Variants in PPP1R12B observed in about 807,000 individuals in gnomAD.
The protein encoded by PPP1R12B is protein phosphatase 1 regulatory subunit 12B.
A neutral mutation model predicts 126.1 loss-of-function variants in PPP1R12B; 76 were observed. The observed-to-expected ratio is 0.60, with a 90% CI of 0.50 to 0.73. The LOEUF (loss-of-function observed/expected upper bound fraction) is 0.73, where lower values mean the gene tolerates loss of function less well. Among genes scored for constraint, PPP1R12B ranks in the 30% least tolerant of loss-of-function variants. The pLI is 0.00. For missense variants in PPP1R12B, 1,052 were observed against 1,205.1 expected, an observed-to-expected ratio of 0.87 and a Z score of 1.88; for synonymous variants, 356 against 434.7, an observed-to-expected ratio of 0.82 and a Z score of 2.25.
chr1:202,361,873 T>C (rs1020915372), intron 1 of PPP1R12B, among the ~76,000 whole-genome samples: 6 of 152,118 alleles, frequency 3.9e-5, no homozygotes, highest in Admixed American at 3.3e-4. Context: ...GGGCAAATGA[T>C]GTGCTTGTCT....
At chr1:202,473,518 A>C (rs1038873716) in intron 13 of PPP1R12B, among the ~76,000 whole-genome samples, 1 of 152,258 alleles carries the variant, frequency 6.6e-6, no homozygotes, top group Non-Finnish European at 1.5e-5. Flanking sequence ...GGCAGATGAA[A>C]TAGGATCCAG....
chr1:202,378,748 G>C (rs1156425695), intron 1 of PPP1R12B, among the ~76,000 whole-genome samples: 1 of 152,142 alleles, frequency 6.6e-6, no homozygotes, highest in Admixed American at 6.5e-5. Flanking sequence ...AAAGTGCTGG[G>C]ATTATAGGCA....
At chr1:202,567,719 G>A in intron 21 of PPP1R12B, 59 bp from the exon 22 acceptor site, 1 of 1,557,416 alleles carries the variant, frequency 6.4e-7, no homozygotes, top group Non-Finnish European at 8.9e-7. Flanking sequence ...ACTAGACTGG[G>A]CGTTCTACTG....
intron 10 of PPP1R12B, chr1:202,438,979 G>A (rs1315420861): frequency 1.3e-6 from 2 of 1,517,558 alleles, no homozygotes; most frequent in East Asian, 2.3e-5. Context: ...CAGGGCAGGA[G>A]CGCATGGCCC....
At chr1:202,468,242 G>A (rs1675322855) in intron 13 of PPP1R12B, among the ~76,000 whole-genome samples, 1 of 152,164 alleles carries the variant, frequency 6.6e-6, no homozygotes, top group Non-Finnish European at 1.5e-5. Context: ...GATCCCATTT[G>A]TCAATTTTGG....
chr1:202,437,091 A>G (rs1670926428), intron 9 of PPP1R12B, among the ~76,000 whole-genome samples: 1 of 152,096 alleles, frequency 6.6e-6, no homozygotes, highest in African/African-American at 2.4e-5. Flanking sequence ...GCACTTTGGG[A>G]GGCTGAGATG....
At chr1:202,439,141 GA>G in intron 10 of PPP1R12B, 2 of 1,581,424 alleles carry the variant, frequency 1.3e-6, no homozygotes, top group Non-Finnish European at 1.7e-6. Flanking sequence ...TCCTGTAGTT[GA>G]AGGTGAAGTG....
At chr1:202,484,993 G>C (rs1419267777) in intron 13 of PPP1R12B, among the ~76,000 whole-genome samples, 2 of 152,232 alleles carry the variant, frequency 1.3e-5, no homozygotes, top group African/African-American at 4.8e-5. Context: ...GGCCACAGCA[G>C]GGCTGGGTGG....
rs562183797 is a variant in PPP1R12B at position 202,420,277 on chromosome 1, G to A, written c.423-2343G>A. On this transcript the variant is annotated intron_variant, in intron 2 of 23. Transcript: ENST00000608999. ...AAGTCATGACTGAGGTCTAGAATTA[G>A]TGTTTGTTGGGGAGGAGAAGAGGGA... Among the ~76,000 whole-genome samples, 6 of 152,350 alleles carry A rather than the reference G, an allele frequency of 3.9e-5. No homozygotes were observed. The East Asian group carries it at 7.7e-4, about 20-fold the overall frequency.
In PPP1R12B at chr1:202,586,312, G is replaced by A. The variant is rs1363642903; in HGVS notation, c.*5752G>A. Reference sequence around the variant, plus strand: ...GTGGAGGTGGCTGTGTGCTGCGATGGGAAGAAGGCAGAAGGCCCAGGGGCT... The same window carrying A: ...GTGGAGGTGGCTGTGTGCTGCGATGAGAAGAAGGCAGAAGGCCCAGGGGCT... On this transcript the variant is annotated 3_prime_UTR_variant, in exon 24 of 24. Coordinates refer to ENST00000608999, the MANE Select transcript of PPP1R12B (RefSeq NM_002481.4). 6.6e-6 allele frequency: 1 copy of A among 152,392 alleles called. No homozygotes were observed. The highest frequency in any genetic ancestry group is 6.5e-5 in the Admixed American group (1 of 15,288). The allele number at this position is 152,392 out of a possible 1,614,324, so 9.4% of individuals were successfully genotyped here.
At chr1:202,415,886 G>A (rs967413642) in intron 1 of PPP1R12B, among the ~76,000 whole-genome samples, 17 of 152,170 alleles carry the variant, frequency 1.1e-4, no homozygotes, top group East Asian at 9.7e-4. Flanking sequence ...TTCTAGAGTC[G>A]TAAACTACAA....
intron 18 of PPP1R12B, among the ~76,000 whole-genome samples, chr1:202,555,463 TAA>T (rs59737329): frequency 1.1e-4 from 7 of 61,406 alleles, no homozygotes; most frequent in South Asian, 4.8e-4. Flanking sequence ...AAGAAGAAAC[TAA>T]AAAAAAAAAA....
chr1:202,362,653 G>GTTTTTTTTTTTT (rs143292643), intron 1 of PPP1R12B, among the ~76,000 whole-genome samples: 2 of 144,756 alleles, frequency 1.4e-5, no homozygotes, highest in Non-Finnish European at 1.5e-5. Context: ...AAGGCCCAGG[G>GTTTTTTTTTTTT]TTTTTGTTTT....
intron 1 of PPP1R12B, among the ~76,000 whole-genome samples, chr1:202,410,952 A>T (rs1263446555): frequency 6.6e-6 from 1 of 152,220 alleles, no homozygotes; most frequent in Non-Finnish European, 1.5e-5. Flanking sequence ...CCCCATTATC[A>T]TGAGTGACAT....
At chr1:202,476,898 AAGC>A (rs1676746248) in intron 13 of PPP1R12B, among the ~76,000 whole-genome samples, 1 of 152,024 alleles carries the variant, frequency 6.6e-6, no homozygotes, top group African/African-American at 2.4e-5. Flanking sequence ...ATTCTAGAGA[AAGC>A]AGCGTTGTTC....
intron 1 of PPP1R12B, among the ~76,000 whole-genome samples, chr1:202,384,121 A>G (rs1412579176): frequency 6.6e-6 from 1 of 152,256 alleles, no homozygotes; most frequent in African/African-American, 2.4e-5. Context: ...TGGTACAACC[A>G]CTTTGGTACA....
intron 12 of PPP1R12B, chr1:202,445,117 C>T (rs952708188): frequency 5.6e-6 from 7 of 1,247,150 alleles, no homozygotes; most frequent in African/African-American, 4.7e-5. Context: ...TCTCCTGCTA[C>T]CTCACCCATT....
In PPP1R12B at chr1:202,588,606, A is replaced by G. The variant is rs1298472876; in HGVS notation, c.*8046A>G. The G allele has an allele frequency of 6.6e-6, 1 of 152,516 alleles. No homozygotes were observed. Among genetic ancestry groups the G allele is most frequent in the Non-Finnish European group, 1.5e-5 (1 of 68,024 alleles). 9.4% of individuals were successfully genotyped at this position (152,516 alleles called of 1,614,324 possible). On this transcript the variant is annotated 3_prime_UTR_variant, in exon 24 of 24. Transcript: ENST00000608999. ...ACAGTTCAGAGCATGGGATTTCTAG[A>G]ATCTCACATCTGGGGCAGCCTCTTC...
chr1:202,546,750 G>A (rs1252512099), intron 18 of PPP1R12B, among the ~76,000 whole-genome samples: 1 of 152,176 alleles, frequency 6.6e-6, no homozygotes, highest in African/African-American at 2.4e-5. Context: ...AAACTAGTTG[G>A]TCTGACGCTT....
Sources: gnomAD v4.1 joint callset for allele counts (sites outside exome capture counted in the v4.1 genomes callset) on GRCh38, gnomAD v4.1.1 for gene constraint, MANE v1.5 for transcripts, NCBI Gene and HGNC (gene_info 2026-07-23, HGNC 2026-07-21) for gene names.